ZC3H6: variants seen among roughly 807,000 people sequenced by gnomAD.
ZC3H6 encodes zinc finger CCCH domain-containing protein 6.
A neutral mutation model predicts 107.7 loss-of-function variants in ZC3H6; 40 were observed. That is an observed-to-expected ratio of 0.37 (90% CI 0.29 to 0.48). ZC3H6 has a LOEUF of 0.48. Ranked by LOEUF, ZC3H6 falls within the 20% of genes least tolerant of loss-of-function variation. ZC3H6 has a pLI of 0.98. For missense variants in ZC3H6, 1,267 were observed against 1,410.4 expected, an observed-to-expected ratio of 0.90 and a Z score of 1.63; for synonymous variants, 493 against 487.9, an observed-to-expected ratio of 1.01 and a Z score of -0.14.
chr2:112,312,606 T>G (rs1054771278), intron 5 of ZC3H6, among the ~76,000 whole-genome samples: 1 of 152,202 alleles, frequency 6.6e-6, no homozygotes, highest in Non-Finnish European at 1.5e-5. Flanking sequence ...CTCACGCCCG[T>G]AATCCCAGCA....
intron 1 of ZC3H6, among the ~76,000 whole-genome samples, chr2:112,282,481 C>A (rs539573349): frequency 6.6e-6 from 1 of 152,222 alleles, no homozygotes; most frequent in African/African-American, 2.4e-5. Flanking sequence ...ATTGTTTAAT[C>A]CTCACAACAA....
At chr2:112,306,728 G>A (rs762789469) in intron 3 of ZC3H6, among the ~76,000 whole-genome samples, 14 of 152,184 alleles carry the variant, frequency 9.2e-5, no homozygotes, top group Non-Finnish European at 1.5e-4. Flanking sequence ...GATTCCTGAA[G>A]GCTGGGCTGC....
At chr2:112,299,742 A>G in intron 1 of ZC3H6, 107 bp from the exon 2 acceptor site, 2 of 890,502 alleles carry the variant, frequency 2.2e-6, no homozygotes, top group Non-Finnish European at 3.1e-6. Context: ...GTGCTTGTCT[A>G]AATGAATATA....
chr2:112,321,625 T>A (rs1349779037), intron 7 of ZC3H6, 131 bp from the exon 8 acceptor site: 1 of 509,178 alleles, frequency 2.0e-6, no homozygotes, highest in Non-Finnish European at 3.5e-6. Context: ...TACAGTATTG[T>A]TGACTATAGG....
chr2:112,280,524 ACT>A (rs1686507991), intron 1 of ZC3H6, among the ~76,000 whole-genome samples: 1 of 151,762 alleles, frequency 6.6e-6, no homozygotes, highest in Non-Finnish European at 1.5e-5. Flanking sequence ...TGACAAAAGA[ACT>A]CTGGACACAA....
At position 112,331,992 on chromosome 2, in the gene ZC3H6, C is replaced by T. The variant is rs1009855710; in HGVS notation, c.3074C>T (p.Ala1025Val). The change falls in exon 12 of 12, where the codon GCC (alanine) becomes GTC (valine). Residue 1025 changes from alanine (A) to valine (V), a missense_variant. Physicochemically the swap from Ala to Val is moderately conservative, Grantham distance 64 (BLOSUM62 0). Coordinates refer to ENST00000409871, the MANE Select transcript of ZC3H6 (RefSeq NM_198581.3). ...NSGSGALPPY[A>V]PKLSSSAGLP... ...GGTTCCGGGGCTCTGCCTCCATATG[C>T]CCCTAAACTCTCTTCCTCAGCTGGC... 2 of 1,613,884 alleles carry T rather than the reference C, an allele frequency of 1.2e-6. No individual in the cohort carries two copies. Among genetic ancestry groups the T allele is most frequent in the African/African-American group, 2.7e-5 (2 of 74,914 alleles).
chr2:112,282,276 C>G (rs1686542041), intron 1 of ZC3H6, among the ~76,000 whole-genome samples: 1 of 152,202 alleles, frequency 6.6e-6, no homozygotes, highest in Admixed American at 6.5e-5. Flanking sequence ...CCGGAGAACT[C>G]TGTTCTCTTG....
chr2:112,294,315 AAAG>A (rs1475957161), intron 1 of ZC3H6, among the ~76,000 whole-genome samples: 8 of 152,230 alleles, frequency 5.3e-5, no homozygotes, highest in African/African-American at 1.7e-4. Context: ...AAAAGCATGA[AAAG>A]AAAAATGTTA....
intron 1 of ZC3H6, among the ~76,000 whole-genome samples, chr2:112,297,585 T>C (rs1264926761): frequency 6.6e-6 from 1 of 152,256 alleles, no homozygotes; most frequent in African/African-American, 2.4e-5. Context: ...ATGAATATTT[T>C]GGTTTCTATC....
intron 7 of ZC3H6, among the ~76,000 whole-genome samples, chr2:112,319,398 C>T (rs760488198): frequency 3.9e-5 from 6 of 152,106 alleles, no homozygotes; most frequent in Non-Finnish European, 8.8e-5. Flanking sequence ...GTAATCCCAC[C>T]ACTTTCGGAG....
intron 1 of ZC3H6, among the ~76,000 whole-genome samples, chr2:112,290,902 T>G (rs1258154981): frequency 6.6e-6 from 1 of 152,266 alleles, no homozygotes; most frequent in Non-Finnish European, 1.5e-5. Flanking sequence ...ATGGACACTC[T>G]TGAGGACAGT....
chr2:112,331,127 C>G lies in ZC3H6; in HGVS notation c.2209C>G (p.Leu737Val), dbSNP rs771755343. 1.2e-6 allele frequency: 2 copies of G among 1,613,534 alleles called. No individual in the cohort carries two copies. The highest frequency in any genetic ancestry group is 2.2e-5 in the South Asian group (2 of 90,972). ...LRNQQQPSTE[L>V]STPTDPRLAK... ...GAATCAGCAACAACCTTCCACAGAA[C>G]TCAGCACTCCTACTGATCCAAGACT... Residue 737 changes from leucine (L) to valine (V), a missense_variant, in exon 12 of 12, where the codon CTC becomes GTC. This residue lies in a region of ZC3H6 where 925 missense variants were observed against 1,025.7 expected (regional missense o/e 0.90). Transcript: ENST00000409871.
At chr2:112,300,554 G>A (rs987509556) in intron 2 of ZC3H6, among the ~76,000 whole-genome samples, 2 of 152,150 alleles carry the variant, frequency 1.3e-5, no homozygotes, top group Non-Finnish European at 1.5e-5. Flanking sequence ...TTAATTGATG[G>A]AAGCTTGTAT....
At chr2:112,279,732 G>C (rs1318731042) in intron 1 of ZC3H6, among the ~76,000 whole-genome samples, 1 of 151,972 alleles carries the variant, frequency 6.6e-6, no homozygotes, top group East Asian at 1.9e-4. Flanking sequence ...TTTGCAACAG[G>C]GCTTTCATTT....
At chr2:112,321,637 A>G in intron 7 of ZC3H6, 119 bp from the exon 8 acceptor site, 1 of 547,176 alleles carries the variant, frequency 1.8e-6, no homozygotes, top group South Asian at 3.0e-5. Flanking sequence ...GACTATAGGT[A>G]CAATGTTACA....
At chr2:112,322,339 C>T (rs1289513531) in intron 8 of ZC3H6, among the ~76,000 whole-genome samples, 1 of 151,732 alleles carries the variant, frequency 6.6e-6, no homozygotes, top group Non-Finnish European at 1.5e-5. Context: ...TGCCCTGCAC[C>T]GCCCCCCACC....
chr2:112,299,917 C>G lies in ZC3H6; in HGVS notation c.101C>G (p.Ala34Gly). 2 of 1,489,906 alleles carry G rather than the reference C, an allele frequency of 1.3e-6. No individual in the cohort carries two copies. Among genetic ancestry groups the G allele is most frequent in the Non-Finnish European group, 1.8e-6 (2 of 1,118,594 alleles). 92.3% of individuals were successfully genotyped at this position (1,489,906 alleles called of 1,614,324 possible). A position where few individuals can be genotyped will look rare whatever the true frequency, so the allele number is the denominator to read the frequency against. ...AGFEEIQEKEAKENEKQKSEK... is the reference protein window; with the variant it reads ...AGFEEIQEKEGKENEKQKSEK... ...TTTGAAGAAATACAAGAAAAAGAAGCAAAAGAGAATGAAAAGCAGAAAAGT... is the reference window on the plus strand; with the variant it reads ...TTTGAAGAAATACAAGAAAAAGAAGGAAAAGAGAATGAAAAGCAGAAAAGT... The change falls in exon 2 of 12, where the codon GCA becomes GGA. Residue 34 changes from alanine (A) to glycine (G), a missense_variant. Physicochemically the swap from Ala to Gly is moderately conservative, Grantham distance 60. Transcript: ENST00000409871.
In ZC3H6 at chr2:112,331,909, C is replaced by T; in HGVS notation, c.2991C>T (p.His997=). 6.2e-7 allele frequency: 1 copy of T among 1,613,962 alleles called. No individual in the cohort carries two copies. The highest frequency in any genetic ancestry group is 8.5e-7 in the Non-Finnish European group (1 of 1,179,876). ...KDSHASKGAP[H]LPRSNPGSSQ... ...CACATGCATCAAAGGGTGCCCCTCA[C>T]TTACCCAGATCAAACCCTGGTTCAT... Residue 997 remains histidine (H), a synonymous_variant, in exon 12 of 12, where the codon CAC becomes CAT. Coordinates refer to ENST00000409871, the MANE Select transcript of ZC3H6 (RefSeq NM_198581.3).
chr2:112,298,865 C>A (rs1676301442), intron 1 of ZC3H6, among the ~76,000 whole-genome samples: 1 of 152,126 alleles, frequency 6.6e-6, no homozygotes, highest in Non-Finnish European at 1.5e-5. Flanking sequence ...GATACTGATA[C>A]AGTATTTTTT....
Sources: gnomAD v4.1 joint callset for allele counts (sites outside exome capture counted in the v4.1 genomes callset) on GRCh38, gnomAD v4.1.1 for gene constraint, gnomAD v4.1.1 regional missense constraint, MANE v1.5 for transcripts, NCBI Gene and HGNC (gene_info 2026-07-23, HGNC 2026-07-21) for gene names.